USP12: variants seen among roughly 807,000 people sequenced by gnomAD.
The protein encoded by USP12 is ubiquitin carboxyl-terminal hydrolase 12.
A neutral mutation model predicts 45.5 loss-of-function variants in USP12; 19 were observed. The ratio of observed to expected loss-of-function variants is 0.42; its 90% CI spans 0.29 to 0.61. The LOEUF (loss-of-function observed/expected upper bound fraction) is 0.61, where lower values mean the gene tolerates loss of function less well. USP12 is among the 20% of genes least tolerant of loss of function. USP12 has a pLI of 0.22. For synonymous variants in USP12, 149 were observed against 148.8 expected, an observed-to-expected ratio of 1.00 and a Z score of -0.01; for missense variants, 242 against 447.7, an observed-to-expected ratio of 0.54 and a Z score of 4.15.
chr13:27,167,683 CAAAT>C (rs1252895471), intron 1 of USP12, among the ~76,000 whole-genome samples: 2 of 151,696 alleles, frequency 1.3e-5, no homozygotes, highest in Admixed American at 6.6e-5. Context: ...TATTAATTTA[CAAAT>C]AAATATTTTA....
intron 6 of USP12, chr13:27,077,877 T>G (rs1873563512): frequency 6.6e-6 from 1 of 152,004 alleles, no homozygotes; most frequent in Admixed American, 6.6e-5. Flanking sequence ...GGAGGTTACA[T>G]TAGGGAGGTC....
chr13:27,161,527 A>G (rs1878106707), intron 1 of USP12, among the ~76,000 whole-genome samples: 2 of 151,392 alleles, frequency 1.3e-5, no homozygotes, highest in Admixed American at 6.6e-5. Context: ...TTTACTCACT[A>G]TAATTTTATA....
chr13:27,087,461 A>T, intron 6 of USP12, among the ~76,000 whole-genome samples: 1 of 152,226 alleles, frequency 6.6e-6, no homozygotes, highest in East Asian at 1.9e-4. Context: ...ATCACTGTGT[A>T]TTCACGGTTT....
intron 2 of USP12, among the ~76,000 whole-genome samples, chr13:27,107,424 C>T (rs1875193363): frequency 6.6e-6 from 1 of 152,016 alleles, no homozygotes; most frequent in Non-Finnish European, 1.5e-5. Flanking sequence ...TATGTTAATA[C>T]CCTTAGGAAC....
intron 1 of USP12, among the ~76,000 whole-genome samples, chr13:27,130,602 A>G (rs1292518772): frequency 2.0e-5 from 3 of 152,194 alleles, no homozygotes; most frequent in Non-Finnish European, 4.4e-5. Flanking sequence ...TTTGCAGGAA[A>G]AAAGAATTTG....
intron 3 of USP12, among the ~76,000 whole-genome samples, chr13:27,103,684 G>A (rs1345109000): frequency 1.1e-4 from 17 of 148,684 alleles, no homozygotes; most frequent in Admixed American, 2.0e-4. Flanking sequence ...GACTGAGGTG[G>A]GTCATTTGAG....
At chr13:27,093,722 A>T (rs939739739) in intron 4 of USP12, among the ~76,000 whole-genome samples, 1 of 152,246 alleles carries the variant, frequency 6.6e-6, no homozygotes, top group African/African-American at 2.4e-5. Flanking sequence ...ACCTGCACAC[A>T]AATGTTTATA....
intron 1 of USP12, among the ~76,000 whole-genome samples, chr13:27,139,200 C>T (rs1876942651): frequency 6.6e-6 from 1 of 152,202 alleles, no homozygotes; most frequent in Non-Finnish European, 1.5e-5. Flanking sequence ...TTCTATGTAT[C>T]GATTCATACC....
rs1310592916 is a variant in USP12, at chr13:27,066,509, A to G, written c.*2774T>C. On this transcript the variant is annotated 3_prime_UTR_variant, in exon 9 of 9. Coordinates refer to ENST00000282344, the MANE Select transcript of USP12 (RefSeq NM_182488.4). ...TCTACTGCCATCAAGGAAAGAAAAAACCCTATACTGATGGTTAGAGGCCCC... is the reference window on the plus strand; with the variant it reads ...TCTACTGCCATCAAGGAAAGAAAAAGCCCTATACTGATGGTTAGAGGCCCC... 1.3e-5 allele frequency: 2 copies of G among 151,904 alleles called. No homozygotes were observed. Among genetic ancestry groups the G allele is most frequent in the African/African-American group, 4.8e-5 (2 of 41,350 alleles). 9.4% of individuals were successfully genotyped at this position (151,904 alleles called of 1,614,324 possible). A position where few individuals can be genotyped will look rare whatever the true frequency, so the allele number is the denominator to read the frequency against.
chr13:27,104,243 C>A (rs948712627), intron 3 of USP12, among the ~76,000 whole-genome samples: 1 of 152,144 alleles, frequency 6.6e-6, no homozygotes, highest in South Asian at 2.1e-4. Context: ...GCTGCTGAGG[C>A]TAGTCTCAAA....
At chr13:27,114,968 G>C (rs1490589087) in intron 2 of USP12, among the ~76,000 whole-genome samples, 1 of 152,118 alleles carries the variant, frequency 6.6e-6, no homozygotes, top group African/African-American at 2.4e-5. Context: ...CTGCTGCATG[G>C]AATTAACCAC....
intron 3 of USP12, among the ~76,000 whole-genome samples, chr13:27,096,694 C>G (rs147604591): frequency 1.3e-5 from 2 of 152,126 alleles, no homozygotes; most frequent in Non-Finnish European, 2.9e-5. Context: ...AACTGGGCAG[C>G]CTGACTCCAC....
At chr13:27,166,174 T>A (rs1440510071) in intron 1 of USP12, among the ~76,000 whole-genome samples, 1 of 152,180 alleles carries the variant, frequency 6.6e-6, no homozygotes, top group Non-Finnish European at 1.5e-5. Context: ...TACCTTCTGG[T>A]CCAACTGCTC....
At chr13:27,070,892 A>C (rs1377761813) in intron 8 of USP12, among the ~76,000 whole-genome samples, 179 bp downstream of exon 8, 1 of 152,174 alleles carries the variant, frequency 6.6e-6, no homozygotes, top group African/African-American at 2.4e-5. Context: ...TTAGGTGACC[A>C]CTCAACTGCT....
intron 8 of USP12, among the ~76,000 whole-genome samples, chr13:27,069,839 C>G (rs551038900): frequency 6.6e-6 from 1 of 152,210 alleles, no homozygotes; most frequent in East Asian, 1.9e-4. Context: ...CCCAGCTACT[C>G]GGGAGGCTGA....
At chr13:27,118,803 A>T (rs1418002298) in intron 1 of USP12, among the ~76,000 whole-genome samples, 1 of 152,210 alleles carries the variant, frequency 6.6e-6, no homozygotes, top group Non-Finnish European at 1.5e-5. Context: ...ACTAAGAACA[A>T]GGTAACAGGT....
intron 1 of USP12, among the ~76,000 whole-genome samples, chr13:27,128,532 C>T (rs546317617): frequency 8.9e-4 from 135 of 152,260 alleles, no homozygotes; most frequent in African/African-American, 3.1e-3. Context: ...TTACCTAAGG[C>T]AAAAAGGGTG....
At chr13:27,079,814 G>A (rs956140345) in intron 6 of USP12, among the ~76,000 whole-genome samples, 1 of 152,196 alleles carries the variant, frequency 6.6e-6, no homozygotes, top group African/African-American at 2.4e-5. Flanking sequence ...TGTCAGCAGA[G>A]AAGTCCTGAC....
chr13:27,116,387 T>A, intron 2 of USP12, 129 bp downstream of exon 2: 28 of 552,988 alleles, frequency 5.1e-5, no homozygotes, highest in South Asian at 9.3e-5. Context: ...AAATTCCCAA[T>A]CAAGTCTCTT....
Sources: gnomAD v4.1 joint callset for allele counts (sites outside exome capture counted in the v4.1 genomes callset) on GRCh38, gnomAD v4.1.1 for gene constraint, MANE v1.5 for transcripts, NCBI Gene and HGNC (gene_info 2026-07-23, HGNC 2026-07-21) for gene names.